Variants in RGS6 observed in about 807,000 individuals in gnomAD.
RGS6 encodes regulator of G protein signaling 6, also known as regulator of G-protein signaling 6.
RGS6 carries 30 observed loss-of-function variants against 78.5 expected under a neutral mutation model. The observed-to-expected ratio is 0.38, with a 90% confidence interval of 0.29 to 0.52. The LOEUF is 0.52. Among genes scored for constraint, RGS6 ranks in the 20% least tolerant of loss-of-function variants. RGS6 has a pLI of 0.85. For synonymous variants in RGS6, 206 were observed against 206.0 expected (o/e 1.00, Z 0.00); for missense variants, 495 against 609.7 (o/e 0.81, Z 1.98).
chr14:72,440,558 A>G (rs2095152257), intron 3 of RGS6, among the ~76,000 whole-genome samples: 1 of 151,724 alleles, frequency 6.6e-6, no homozygotes, highest in Admixed American at 6.6e-5. Flanking sequence ...GATTACAGGT[A>G]CATGCCACCA....
chr14:72,002,233 G>T (rs1275740446), intron 2 of RGS6, among the ~76,000 whole-genome samples: 1 of 152,008 alleles, frequency 6.6e-6, no homozygotes, highest in Non-Finnish European at 1.5e-5. Context: ...TGAGAGATAG[G>T]CACCCCAAGT....
At chr14:71,953,857 A>G (rs1371494942) in intron 1 of RGS6, among the ~76,000 whole-genome samples, 1 of 151,872 alleles carries the variant, frequency 6.6e-6, no homozygotes, top group South Asian at 2.1e-4. Flanking sequence ...CATTTCTTGC[A>G]TAGCAGGTTT....
At chr14:72,137,943 C>G (rs563023904) in intron 2 of RGS6, among the ~76,000 whole-genome samples, 27 of 152,254 alleles carry the variant, frequency 1.8e-4, no homozygotes, top group Admixed American at 1.6e-3. Context: ...GCCCTCTAAT[C>G]ATATGGTTGG....
At chr14:72,340,267 G>A (rs547070293) in intron 2 of RGS6, among the ~76,000 whole-genome samples, 1 of 152,136 alleles carries the variant, frequency 6.6e-6, no homozygotes, top group African/African-American at 2.4e-5. Context: ...GAGCAGTCTG[G>A]GACATCAAAC....
chr14:72,309,750 A>T (rs1221342633), intron 2 of RGS6, among the ~76,000 whole-genome samples: 2 of 152,342 alleles, frequency 1.3e-5, no homozygotes, highest in South Asian at 2.1e-4. Context: ...TTCAGTGGAG[A>T]TGATGGCAAC....
At chr14:72,374,298 T>C (rs2152849682) in intron 3 of RGS6, among the ~76,000 whole-genome samples, 1 of 151,314 alleles carries the variant, frequency 6.6e-6, no homozygotes, top group South Asian at 2.1e-4. Context: ...GTCCATGTGT[T>C]CTCATTGTTC....
chr14:71,922,221 T>C, the RGS6 span, among the ~76,000 whole-genome samples: 1 of 152,244 alleles, frequency 6.6e-6, no homozygotes, highest in Non-Finnish European at 1.5e-5. Flanking sequence ...GACTCCTCTC[T>C]TCCTCTCACA....
At chr14:72,323,438 A>T (rs1225138001) in intron 2 of RGS6, among the ~76,000 whole-genome samples, 2 of 143,754 alleles carry the variant, frequency 1.4e-5, no homozygotes, top group East Asian at 2.0e-4. Flanking sequence ...GCAATGCAAT[A>T]AAAAAAAAAA....
intron 14 of RGS6, among the ~76,000 whole-genome samples, chr14:72,515,190 A>G (rs887161461): frequency 6.6e-6 from 1 of 152,020 alleles, no homozygotes; most frequent in Non-Finnish European, 1.5e-5. Context: ...ACTGCTGTCT[A>G]GGGAATGTTA....
intron 3 of RGS6, among the ~76,000 whole-genome samples, chr14:72,416,021 G>A (rs2153080308): frequency 6.6e-6 from 1 of 152,026 alleles, no homozygotes; most frequent in South Asian, 2.1e-4. Context: ...GGTGTTGCGT[G>A]CCTGTAATCC....
intron 2 of RGS6, among the ~76,000 whole-genome samples, chr14:71,980,184 C>G: frequency 1.9e-5 from 2 of 105,920 alleles, no homozygotes; most frequent in African/African-American, 3.8e-5. Flanking sequence ...TTCCTGAATA[C>G]AGCACACTGA....
At chr14:72,259,910 C>CAAAAAAAAAAAAATAAA (rs2057814696) in intron 2 of RGS6, among the ~76,000 whole-genome samples, 1 of 68,410 alleles carries the variant, frequency 1.5e-5, no homozygotes, top group Non-Finnish European at 2.3e-5. Flanking sequence ...GACTCCGTCT[C>CAAAAAAAAAAAAATAAA]AAAAAAAAAA....
intron 2 of RGS6, among the ~76,000 whole-genome samples, chr14:72,295,478 T>G (rs1021497220): frequency 4.6e-5 from 7 of 151,952 alleles, no homozygotes; most frequent in Admixed American, 6.6e-5. Flanking sequence ...GGACCCAGTT[T>G]GGAGCCACTG....
At chr14:72,245,746 C>T (rs1342412930) in intron 2 of RGS6, among the ~76,000 whole-genome samples, 1 of 152,270 alleles carries the variant, frequency 6.6e-6, no homozygotes, top group South Asian at 2.1e-4. Context: ...GGGCTTGCTC[C>T]CAACAGACTT....
the RGS6 span, among the ~76,000 whole-genome samples, chr14:72,571,567 T>C: frequency 2.0e-5 from 3 of 152,174 alleles, no homozygotes; most frequent in Admixed American, 6.5e-5. Context: ...AACAATTCAA[T>C]AGGGGAAAGA....
chr14:71,962,229 A>G (rs1223648222), intron 1 of RGS6, among the ~76,000 whole-genome samples: 1 of 151,992 alleles, frequency 6.6e-6, no homozygotes, highest in Non-Finnish European at 1.5e-5. Context: ...TCCAGTCTAG[A>G]CTCTGGAACA....
chr14:72,146,339 C>G (rs548738886), intron 2 of RGS6, among the ~76,000 whole-genome samples: 11 of 152,276 alleles, frequency 7.2e-5, no homozygotes, highest in Non-Finnish European at 2.9e-5. Context: ...AGCATTCTGC[C>G]TCTGGTATTC....
At chr14:72,012,635 C>G (rs2086015738) in intron 2 of RGS6, among the ~76,000 whole-genome samples, 1 of 152,148 alleles carries the variant, frequency 6.6e-6, no homozygotes, top group Non-Finnish European at 1.5e-5. Flanking sequence ...GACAAGATTC[C>G]TAAAAGTAGC....
intron 2 of RGS6, among the ~76,000 whole-genome samples, chr14:72,226,930 G>T (rs1451019863): frequency 6.6e-6 from 1 of 152,010 alleles, no homozygotes; most frequent in Non-Finnish European, 1.5e-5. Flanking sequence ...CAAGTAATCC[G>T]CCCACCTTGA....
Sources: allele counts gnomAD v4.1 joint callset (sites outside exome capture counted in the v4.1 genomes callset), GRCh38; gene constraint gnomAD v4.1.1; transcripts MANE v1.5; gene names NCBI Gene and HGNC (gene_info 2026-07-23, HGNC 2026-07-21).